The following KIT variants were observed in gnomAD, a reference collection of about 807,000 sequenced individuals.
The protein encoded by KIT is KIT proto-oncogene, receptor tyrosine kinase, also known as mast/stem cell growth factor receptor Kit.
Under a neutral mutation model 105.7 loss-of-function variants are expected in KIT, and 16 were observed. The observed-to-expected ratio is 0.15, with a 90% confidence interval of 0.10 to 0.23. The LOEUF (loss-of-function observed/expected upper bound fraction) is 0.23. Ranked by LOEUF, KIT falls within the 10% of genes least tolerant of loss-of-function variation. The pLI, the probability that KIT is intolerant of heterozygous loss-of-function variation, is 1.00. For synonymous variants in KIT, 438 were observed against 441.1 expected (o/e 0.99, Z 0.09); for missense variants, 858 against 1,213.8 (o/e 0.71, Z 4.36).
intron 1 of KIT, 84 bp downstream of exon 1, chr4:54,658,165 C>T: frequency 1.4e-6 from 2 of 1,386,732 alleles, no homozygotes; most frequent in Non-Finnish European, 1.0e-6. Context: ...CAGGGTGCAT[C>T]CGGAGAGAGG....
chr4:54,690,554 T>G (rs1398684008), intron 1 of KIT, among the ~76,000 whole-genome samples: 1 of 152,350 alleles, frequency 6.6e-6, no homozygotes. Context: ...ATCCTTTTTT[T>G]GGGTTAATTA....
At chr4:54,681,083 T>G (rs1187610764) in intron 1 of KIT, among the ~76,000 whole-genome samples, 2 of 152,138 alleles carry the variant, frequency 1.3e-5, no homozygotes, top group African/African-American at 4.8e-5. Context: ...TGTTCTGAAT[T>G]GTTCTTTAAG....
intron 3 of KIT, 24 bp from the exon 4 acceptor site, chr4:54,699,606 G>A: frequency 6.2e-7 from 1 of 1,613,376 alleles, no homozygotes; most frequent in Non-Finnish European, 8.5e-7. Flanking sequence ...ATTATTTGAG[G>A]GGCCACATTT....
At chr4:54,725,213 T>C (rs1298359057) in intron 8 of KIT, among the ~76,000 whole-genome samples, 2 of 152,148 alleles carry the variant, frequency 1.3e-5, no homozygotes, top group Admixed American at 1.3e-4. Context: ...CAAGTGATTC[T>C]CCTGCCTCAG....
At chr4:54,659,955 C>G (rs1321275815) in intron 1 of KIT, among the ~76,000 whole-genome samples, 2 of 152,140 alleles carry the variant, frequency 1.3e-5, no homozygotes, top group Non-Finnish European at 2.9e-5. Context: ...CATTTCTTGG[C>G]TGCGTGCCCT....
At chr4:54,728,979 G>T (rs1291305927) in intron 13 of KIT, among the ~76,000 whole-genome samples, 5 of 152,178 alleles carry the variant, frequency 3.3e-5, no homozygotes, top group Admixed American at 2.6e-4. Context: ...TACAGAGAGT[G>T]TGTGAAGCCC....
At chr4:54,715,368 T>TAA (rs34247930) in intron 7 of KIT, among the ~76,000 whole-genome samples, 1,543 of 142,800 alleles carry the variant, frequency 0.011, 21 homozygotes, top group East Asian at 0.03. Context: ...GTGTTGCTGT[T>TAA]AAAAAAAAAA....
At chr4:54,733,624 G>A (rs926404730) in intron 17 of KIT, among the ~76,000 whole-genome samples, 3 of 152,068 alleles carry the variant, frequency 2.0e-5, no homozygotes, top group African/African-American at 7.2e-5. Flanking sequence ...TAGAATACAC[G>A]GAGAGCTATT....
At chr4:54,719,483 C>T (rs1348450834) in intron 7 of KIT, among the ~76,000 whole-genome samples, 2 of 152,176 alleles carry the variant, frequency 1.3e-5, no homozygotes, top group Non-Finnish European at 2.9e-5. Flanking sequence ...GAGTTACAAG[C>T]ATCTGAAATC....
intron 13 of KIT, among the ~76,000 whole-genome samples, chr4:54,728,515 A>C (rs1239116636): frequency 6.6e-6 from 1 of 152,178 alleles, no homozygotes; most frequent in African/African-American, 2.4e-5. Flanking sequence ...CTGGTTCTCA[A>C]ATATACACCA....
rs746884875 is a variant in KIT, at chr4:54,707,278, G to A, written c.1106G>A (p.Ser369Asn). Residue 369 changes from serine (S) to asparagine (N), a missense_variant, in exon 6 of 21, where the codon AGT (serine) becomes AAT (asparagine). Transcript: ENST00000288135. Reference protein sequence around the residue: ...WEDYPKSENESNIRYVSELHL... With the variant: ...WEDYPKSENENNIRYVSELHL... ...GATTATCCCAAGTCTGAGAATGAAA[G>A]TAATATCAGGTAAGAAATGGACCTT... The A allele has an allele frequency of 1.2e-6, 2 of 1,606,736 alleles. No individual in the cohort carries two copies. The highest frequency in any genetic ancestry group is 1.7e-5 in the Admixed American group (1 of 60,016).
intron 1 of KIT, among the ~76,000 whole-genome samples, chr4:54,669,878 A>G (rs1470033758): frequency 6.6e-6 from 1 of 152,216 alleles, no homozygotes; most frequent in Admixed American, 6.5e-5. Context: ...GAAAGCAACT[A>G]GAACAATAGG....
chr4:54,703,597 A>AGTAGT lies in KIT; in HGVS notation c.757-123_757-119dup, dbSNP rs1343241380. The AGTAGT allele has an allele frequency of 5.5e-6, 4 of 729,476 alleles. No homozygotes were observed. The African/African-American group carries it at 7.0e-5, about 13-fold the overall frequency. 45.2% of individuals were successfully genotyped at this position (729,476 alleles called of 1,614,324 possible). A position where few individuals can be genotyped will look rare whatever the true frequency, so the allele number is the denominator to read the frequency against. On this transcript the variant is annotated intron_variant, in intron 4 of 20. Coordinates refer to ENST00000288135, the MANE Select transcript of KIT (RefSeq NM_000222.3). ...CATGATGCTTTATTATTCTTACTTAAGTAGTGTATAATGAAAGTTAATATG... is the reference window on the plus strand; with the variant it reads ...CATGATGCTTTATTATTCTTACTTAAGTAGTGTAGTGTATAATGAAAGTTAATATG...
At chr4:54,737,642 G>T (rs1292173291) in intron 20 of KIT, among the ~76,000 whole-genome samples, 1 of 152,222 alleles carries the variant, frequency 6.6e-6, no homozygotes, top group Non-Finnish European at 1.5e-5. Flanking sequence ...GGAGGGTTGG[G>T]GTGATGTGAA....
intron 1 of KIT, among the ~76,000 whole-genome samples, chr4:54,672,877 G>A (rs1189098621): frequency 1.3e-5 from 2 of 152,146 alleles, no homozygotes; most frequent in South Asian, 2.1e-4. Context: ...TGTCCACAAC[G>A]GCGAGTGTGT....
rs574232725 is a variant in KIT at position 54,668,368 on chromosome 4, G to A, written c.67+10287G>A. ...AGAGGGAAAATGAAAAAGGTGAAAC[G>A]GTTCTCCTTTACCTTGTATTTTAAA... On this transcript the variant is annotated intron_variant, in intron 1 of 20. Transcript: ENST00000288135. Among the ~76,000 whole-genome samples, 61 of 152,260 alleles carry A rather than the reference G, an allele frequency of 4.0e-4. No homozygotes were observed. In the South Asian group the frequency reaches 0.011, roughly 28 times the overall value.
chr4:54,689,463 CAG>C lies in KIT; in HGVS notation c.68-6044_68-6043del, dbSNP rs3839164. ...ATAAGAGCTTCCAGGTCTTTCCACT[CAG>C]AGAGTTAAAAGACCTTTTCCTGCCA... On this transcript the variant is annotated intron_variant, in intron 1 of 20. Transcript: ENST00000288135. Among the ~76,000 whole-genome samples the C allele has an allele frequency of 5.3e-5, 8 of 152,240 alleles. No homozygotes were observed. The East Asian group carries it at 7.7e-4, about 15-fold the overall frequency.
At chr4:54,700,958 C>T (rs1241843966) in intron 4 of KIT, among the ~76,000 whole-genome samples, 1 of 152,190 alleles carries the variant, frequency 6.6e-6, no homozygotes, top group Non-Finnish European at 1.5e-5. Context: ...GGATTTTTGG[C>T]TAACCTTACA....
rs768113805 is a variant in KIT, at chr4:54,714,813, C to T, written c.1231+5274C>T. On this transcript the variant is annotated intron_variant, in intron 7 of 20. Coordinates refer to ENST00000288135, the MANE Select transcript of KIT (RefSeq NM_000222.3). ...CTTTAATGACGAGCTTCAGCCAGTG[C>T]GGTGGGAGTACTGTGATCCTCACGT... Among the ~76,000 whole-genome samples the T allele has an allele frequency of 9.9e-5, 15 of 152,270 alleles. 1 individual carries two copies. Among genetic ancestry groups the T allele is most frequent in the South Asian group, 4.1e-4 (2 of 4,824 alleles).
Sources: gnomAD v4.1 joint callset for allele counts (sites outside exome capture counted in the v4.1 genomes callset) on GRCh38, gnomAD v4.1.1 for gene constraint, MANE v1.5 for transcripts, NCBI Gene and HGNC (gene_info 2026-07-23, HGNC 2026-07-21) for gene names.